SLC11A2: variants seen among roughly 807,000 people sequenced by gnomAD.
SLC11A2 encodes natural resistance-associated macrophage protein 2.
A neutral mutation model predicts 68.0 loss-of-function variants in SLC11A2; 38 were observed. The ratio of observed to expected loss-of-function variants is 0.56; its 90% CI spans 0.43 to 0.73. The LOEUF (loss-of-function observed/expected upper bound fraction) is 0.73. Among genes scored for constraint, SLC11A2 ranks in the 30% least tolerant of loss-of-function variants. The probability of loss-of-function intolerance (pLI) is 0.00; values close to 1 mark genes in which losing one functional copy is unlikely to be tolerated. For synonymous variants in SLC11A2, 242 were observed against 250.6 expected (o/e 0.97, Z 0.32); for missense variants, 517 against 690.5 (o/e 0.75, Z 2.82).
intron 1 of SLC11A2, chr12:51,026,075 C>G (rs1360917689): frequency 1.9e-5 from 21 of 1,090,462 alleles, no homozygotes; most frequent in Non-Finnish European, 2.0e-5. Flanking sequence ...CGACCTCCGG[C>G]GTTCCCTCCC....
chr12:50,997,076 T>G (rs1305127700), intron 8 of SLC11A2, 104 bp from the exon 9 acceptor site: 2 of 902,084 alleles, frequency 2.2e-6, no homozygotes, highest in Non-Finnish European at 3.7e-6. Flanking sequence ...AATGCCTTCT[T>G]CCTTATTTTT....
At chr12:50,983,005 G>C (rs1335594688), downstream of SLC11A2, among the ~76,000 whole-genome samples, 3 of 150,402 alleles carry the variant, frequency 2.0e-5, no homozygotes, top group Non-Finnish European at 3.0e-5. Flanking sequence ...TAGATGGTTT[G>C]TGTTGGGACC....
At chr12:50,954,188 T>C in the SLC11A2 span, 2 of 737,708 alleles carry the variant, frequency 2.7e-6, no homozygotes, top group Non-Finnish European at 4.6e-6. Flanking sequence ...TATAATTGAA[T>C]TTTTTCAGAT....
chr12:51,028,068 G>T (rs113608549), upstream of SLC11A2: 2 of 610,048 alleles, frequency 3.3e-6, no homozygotes, highest in African/African-American at 1.8e-5. Flanking sequence ...CTCCAGATCG[G>T]AACCTTTCCT....
At chr12:50,952,557 CT>C in the SLC11A2 span, among the ~76,000 whole-genome samples, 5 of 152,288 alleles carry the variant, frequency 3.3e-5, no homozygotes, top group Middle Eastern at 0.01. Flanking sequence ...ACCGACCCAC[CT>C]CAAGAGCCAC....
chr12:50,989,049 G>C lies in SLC11A2; in HGVS notation c.1576-614C>G, dbSNP rs545498904. Among the ~76,000 whole-genome samples, 15 of 152,110 alleles carry C rather than the reference G, an allele frequency of 9.9e-5. No individual in the cohort carries two copies. The East Asian group carries it at 2.9e-3, about 29-fold the overall frequency. On this transcript the variant is annotated intron_variant, in intron 15 of 15. Coordinates refer to ENST00000262052, the MANE Select transcript of SLC11A2 (RefSeq NM_000617.3). ...TTCTTTTACCCAACTGTAAGTTCTCGGAAGTCCACTTTTCCTCAGTCCTCC... is the reference window on the plus strand; with the variant it reads ...TTCTTTTACCCAACTGTAAGTTCTCCGAAGTCCACTTTTCCTCAGTCCTCC...
the SLC11A2 span, chr12:50,970,324 G>A: frequency 1.5e-6 from 1 of 679,744 alleles, no homozygotes; most frequent in South Asian, 1.8e-5. Flanking sequence ...TAAGAAGGAG[G>A]GCCTTTGTTT....
chr12:51,011,566 T>TG (rs1943238894), intron 1 of SLC11A2, among the ~76,000 whole-genome samples: 1 of 147,736 alleles, frequency 6.8e-6, no homozygotes, highest in South Asian at 2.2e-4. Context: ...TTTTTTGTTT[T>TG]TTTTTTAGTT....
intron 5 of SLC11A2, among the ~76,000 whole-genome samples, chr12:51,002,906 C>G (rs567038732): frequency 2.9e-4 from 43 of 150,822 alleles, no homozygotes; most frequent in African/African-American, 1.0e-3. Context: ...CGCCACTGTA[C>G]TCCAGGCTGG....
chr12:50,981,621 C>G (rs1940030169), downstream of SLC11A2: 5 of 759,542 alleles, frequency 6.6e-6, no homozygotes, highest in Non-Finnish European at 1.1e-5. Context: ...TTGTTCAAAA[C>G]GTCTGAACAA....
upstream of SLC11A2, chr12:51,026,453 C>A (rs1394860568): frequency 1.2e-6 from 1 of 857,742 alleles, no homozygotes; most frequent in East Asian, 8.0e-5. Context: ...TGGCTGGAGT[C>A]CCTGCAGCGG....
chr12:51,026,179 G>A, intron 1 of SLC11A2, 131 bp downstream of exon 1: 2 of 1,178,830 alleles, frequency 1.7e-6, no homozygotes, highest in Non-Finnish European at 2.1e-6. Context: ...TCCCCTCACA[G>A]CCCCGCACGG....
At chr12:50,977,738 A>G (rs1191062089), downstream of SLC11A2, among the ~76,000 whole-genome samples, 1 of 152,220 alleles carries the variant, frequency 6.6e-6, no homozygotes, top group Non-Finnish European at 1.5e-5. Context: ...AATTTCTGCA[A>G]TCTACTCATC....
At chr12:50,982,424 G>A (rs1940109984), downstream of SLC11A2, among the ~76,000 whole-genome samples, 1 of 151,916 alleles carries the variant, frequency 6.6e-6, no homozygotes, top group South Asian at 2.1e-4. Flanking sequence ...AGGAGATCGA[G>A]ACCATCCTGG....
At chr12:51,028,533 G>GTGGCA (rs927038295), upstream of SLC11A2, 48 of 307,558 alleles carry the variant, frequency 1.6e-4, no homozygotes, top group African/African-American at 9.4e-4. Flanking sequence ...GCAAGAGTAG[G>GTGGCA]TGGCAAGCCT....
downstream of SLC11A2, among the ~76,000 whole-genome samples, chr12:50,978,727 G>C (rs1463230264): frequency 2.0e-5 from 3 of 152,112 alleles, no homozygotes; most frequent in Non-Finnish European, 4.4e-5. Flanking sequence ...CTTGGGTAAA[G>C]TTTGAGGGTC....
At position 50,986,667 on chromosome 12, in the gene SLC11A2, C is replaced by A; in HGVS notation, c.*1658G>T. On this transcript the variant is annotated 3_prime_UTR_variant, in exon 16 of 16. Transcript: ENST00000262052. ...TATCTTCACAGAGTGCCTTTATGAC[C>A]AGTTTGGAGAATTACGATGGTAAGG... The A allele has an allele frequency of 7.8e-7, 1 of 1,286,420 alleles. No individual in the cohort carries two copies. Among genetic ancestry groups the A allele is most frequent in the Admixed American group, 2.3e-5 (1 of 43,480 alleles). The allele number at this position is 1,286,420 out of a possible 1,614,324, so 79.7% of individuals were successfully genotyped here.
At chr12:50,991,046 T>C in intron 14 of SLC11A2, 98 bp from the exon 15 acceptor site, 2 of 1,098,130 alleles carry the variant, frequency 1.8e-6, no homozygotes, top group Non-Finnish European at 2.8e-6. Context: ...TCAAAATGAA[T>C]GGAAAAATTG....
chr12:50,992,689 G>T, intron 12 of SLC11A2, 121 bp downstream of exon 12: 1 of 1,047,062 alleles, frequency 9.6e-7, no homozygotes, highest in Admixed American at 2.0e-5. Flanking sequence ...CCGAGATCAT[G>T]CCATTACACT....
Sources: allele counts gnomAD v4.1 joint callset (sites outside exome capture counted in the v4.1 genomes callset), GRCh38; gene constraint gnomAD v4.1.1; transcripts MANE v1.5; gene names NCBI Gene and HGNC (gene_info 2026-07-23, HGNC 2026-07-21).